The following NSUN6 variants were observed in gnomAD, a reference collection of about 807,000 sequenced individuals.
NSUN6 encodes the protein tRNA (cytosine(72)-C(5))-methyltransferase NSUN6.
In NSUN6, 64 loss-of-function variants were observed where a neutral mutation model predicts 58.0. The ratio of observed to expected loss-of-function variants is 1.10; its 90% CI spans 0.90 to 1.36. The LOEUF (loss-of-function observed/expected upper bound fraction) is 1.36, where lower values mean the gene tolerates loss of function less well. Ranked by LOEUF, NSUN6 falls within the 40% of genes most tolerant of loss-of-function variation. The pLI, the probability that NSUN6 is intolerant of heterozygous loss-of-function variation, is 0.00. For synonymous variants in NSUN6, 231 were observed against 193.9 expected, an observed-to-expected ratio of 1.19 and a Z score of -1.59; for missense variants, 701 against 550.1, an observed-to-expected ratio of 1.27 and a Z score of -2.74.
chr10:18,638,229 G>T (rs1361319563), intron 3 of NSUN6, among the ~76,000 whole-genome samples: 1 of 152,100 alleles, frequency 6.6e-6, no homozygotes, highest in Non-Finnish European at 1.5e-5. Context: ...GATCACCTGA[G>T]GTCACGAATT....
intron 8 of NSUN6, among the ~76,000 whole-genome samples, chr10:18,574,623 C>T (rs762741669): frequency 6.6e-6 from 1 of 152,076 alleles, no homozygotes; most frequent in African/African-American, 2.4e-5. Context: ...GGAAACTTGC[C>T]CAACAGCTGG....
intron 3 of NSUN6, among the ~76,000 whole-genome samples, chr10:18,628,517 G>C (rs1295373044): frequency 2.6e-5 from 4 of 152,156 alleles, no homozygotes; most frequent in Non-Finnish European, 4.4e-5. Flanking sequence ...AAAAAGTTTA[G>C]AAGAATCTAT....
chr10:18,625,911 C>T (rs1468573934), intron 3 of NSUN6, among the ~76,000 whole-genome samples: 1 of 151,760 alleles, frequency 6.6e-6, no homozygotes. Context: ...ACATTTAATG[C>T]CACAGGTTAT....
intron 7 of NSUN6, among the ~76,000 whole-genome samples, chr10:18,592,556 A>T (rs1172330586): frequency 6.6e-6 from 1 of 152,200 alleles, no homozygotes; most frequent in African/African-American, 2.4e-5. Context: ...CCTCAGAAAT[A>T]ACAACACACA....
upstream of NSUN6, chr10:18,652,102 C>T: frequency 1.0e-6 from 1 of 985,152 alleles, no homozygotes; most frequent in Non-Finnish European, 1.2e-6. Flanking sequence ...TGTTAATATC[C>T]AATGCTCAGG....
chr10:18,583,646 T>C (rs907116064), intron 8 of NSUN6, among the ~76,000 whole-genome samples: 3 of 152,112 alleles, frequency 2.0e-5, no homozygotes, highest in African/African-American at 7.2e-5. Context: ...AAGGGAGATA[T>C]GGTCGCCATG....
chr10:18,603,576 T>C (rs146758812), intron 6 of NSUN6, among the ~76,000 whole-genome samples: 5,116 of 151,872 alleles, frequency 0.034, 292 homozygotes, highest in African/African-American at 0.12. Flanking sequence ...GTTCAAGTGA[T>C]TCTCCTGCCT....
chr10:18,553,823 A>AG (rs2054781188), intron 8 of NSUN6, among the ~76,000 whole-genome samples: 1 of 151,282 alleles, frequency 6.6e-6, no homozygotes, highest in South Asian at 2.1e-4. Flanking sequence ...AATGGAGAAT[A>AG]GAGTAGAATA....
intron 6 of NSUN6, among the ~76,000 whole-genome samples, chr10:18,599,381 T>C (rs535547926): frequency 5.3e-5 from 8 of 152,356 alleles, no homozygotes; most frequent in Middle Eastern, 6.8e-3. Context: ...TGTGAGCCAC[T>C]GTGCCCGGTG....
chr10:18,652,501 G>A, upstream of NSUN6: 1 of 983,732 alleles, frequency 1.0e-6, no homozygotes, highest in Non-Finnish European at 1.2e-6. Context: ...TTACCAGAAA[G>A]AGTAGAAAAT....
At chr10:18,636,749 G>A (rs543875576) in intron 3 of NSUN6, among the ~76,000 whole-genome samples, 15 of 151,752 alleles carry the variant, frequency 9.9e-5, no homozygotes, top group Admixed American at 2.0e-4. Context: ...AAAATTAGTC[G>A]GGCGTGGTGG....
At chr10:18,563,727 A>C (rs1791252234) in intron 8 of NSUN6, among the ~76,000 whole-genome samples, 3 of 149,384 alleles carry the variant, frequency 2.0e-5, no homozygotes, top group African/African-American at 7.4e-5. Flanking sequence ...ACTCCGTTCC[A>C]TTCTCCATTC....
chr10:18,586,559 G>A (rs530484249), intron 7 of NSUN6, among the ~76,000 whole-genome samples: 66 of 151,842 alleles, frequency 4.3e-4, no homozygotes, highest in Middle Eastern at 6.9e-3. Context: ...GACCTTCGCA[G>A]TGAGTGTTAT....
chr10:18,607,737 G>A (rs1238360634), intron 6 of NSUN6, among the ~76,000 whole-genome samples: 3 of 152,192 alleles, frequency 2.0e-5, no homozygotes, highest in Non-Finnish European at 2.9e-5. Flanking sequence ...ATTGGCATGG[G>A]GCCAAGAATA....
At chr10:18,557,648 C>CGGAATGGAATGG (rs2055142673) in intron 8 of NSUN6, among the ~76,000 whole-genome samples, 2 of 124,702 alleles carry the variant, frequency 1.6e-5, no homozygotes, top group East Asian at 5.0e-4. Flanking sequence ...TGGAAAAGAG[C>CGGAATGGAATGG]AGAATGGAAT....
At chr10:18,580,406 G>A (rs553586566) in intron 8 of NSUN6, among the ~76,000 whole-genome samples, 69 of 152,262 alleles carry the variant, frequency 4.5e-4, no homozygotes, top group African/African-American at 1.6e-3. Context: ...AGGAATGAAA[G>A]GACTGTGGTC....
At chr10:18,638,679 G>A (rs1219701259) in intron 3 of NSUN6, among the ~76,000 whole-genome samples, 1 of 151,912 alleles carries the variant, frequency 6.6e-6, no homozygotes, top group Non-Finnish European at 1.5e-5. Flanking sequence ...AATACTATGT[G>A]GCCTGAAACA....
chr10:18,547,117 T>C (rs2054320191), intron 10 of NSUN6, among the ~76,000 whole-genome samples: 2 of 152,158 alleles, frequency 1.3e-5, no homozygotes, highest in South Asian at 4.1e-4. Flanking sequence ...GGAAACATAA[T>C]TTAAGGCTGT....
At chr10:18,588,501 G>C (rs2057257304) in intron 7 of NSUN6, among the ~76,000 whole-genome samples, 1 of 152,142 alleles carries the variant, frequency 6.6e-6, no homozygotes, top group Non-Finnish European at 1.5e-5. Context: ...CACCCAACAG[G>C]GGTCGACAGA....
Sources: allele counts gnomAD v4.1 joint callset (sites outside exome capture counted in the v4.1 genomes callset), GRCh38; gene constraint gnomAD v4.1.1; transcripts MANE v1.5; gene names NCBI Gene and HGNC (gene_info 2026-07-23, HGNC 2026-07-21).